The following CCSER1 variants were observed in gnomAD, a reference collection of about 807,000 sequenced individuals.
CCSER1 encodes coiled-coil serine rich protein 1.
In CCSER1, 41 loss-of-function variants were observed where a neutral mutation model predicts 82.0. The observed-to-expected ratio is 0.50, with a 90% CI of 0.39 to 0.65. CCSER1 has a LOEUF of 0.65. Ranked by LOEUF, CCSER1 falls within the 30% of genes least tolerant of loss-of-function variation. The probability of loss-of-function intolerance (pLI) is 0.00; values close to 1 mark genes in which losing one functional copy is unlikely to be tolerated. For missense variants in CCSER1, 1,119 were observed against 1,064.2 expected (o/e 1.05, Z -0.72); for synonymous variants, 414 against 383.9 (o/e 1.08, Z -0.92).
At chr4:90,228,042 G>C (rs1482194137) in intron 1 of CCSER1, among the ~76,000 whole-genome samples, 1 of 152,220 alleles carries the variant, frequency 6.6e-6, no homozygotes, top group Non-Finnish European at 1.5e-5. Context: ...AGCGAGGCTT[G>C]GGGAGGGGCG....
At chr4:91,159,929 G>A (rs1404003619) in intron 10 of CCSER1, among the ~76,000 whole-genome samples, 1 of 151,798 alleles carries the variant, frequency 6.6e-6, no homozygotes, top group African/African-American at 2.4e-5. Context: ...TTAAGTTCTA[G>A]GGTACAAGTG....
intron 5 of CCSER1, among the ~76,000 whole-genome samples, chr4:90,510,614 G>A (rs1216320313): frequency 6.6e-6 from 1 of 152,128 alleles, no homozygotes; most frequent in Non-Finnish European, 1.5e-5. Context: ...TTCATGCTTT[G>A]GAACATTCCT....
rs187098759 is a variant in CCSER1 at position 90,833,002 on chromosome 4, C to T, written c.2094+17157C>T. ...TGTTACTTTAAAGACAATGGTCTTT[C>T]GTTATTCACAGCTTTTCAAATAACC... On this transcript the variant is annotated intron_variant, in intron 8 of 10. Transcript: ENST00000509176. 1.4e-4 allele frequency among the ~76,000 whole-genome samples: 21 copies of T among 152,276 alleles called. 1 individual carries two copies. The highest frequency in any genetic ancestry group is 1.2e-3 in the Admixed American group (18 of 15,300).
At chr4:90,632,461 G>A (rs1466572745) in intron 6 of CCSER1, among the ~76,000 whole-genome samples, 1 of 151,652 alleles carries the variant, frequency 6.6e-6, no homozygotes, top group Non-Finnish European at 1.5e-5. Flanking sequence ...TATATGTTAT[G>A]CTATTTTATA....
At position 90,186,435 on chromosome 4, in the gene CCSER1, A is replaced by G. The variant is rs541224242; in HGVS notation, c.-42+58604A>G. ...GTATCAAAAGCAAATACTGTGATTCATTTTCATCTACATCAGTGTCTGTCT... is the reference window on the plus strand; with the variant it reads ...GTATCAAAAGCAAATACTGTGATTCGTTTTCATCTACATCAGTGTCTGTCT... On this transcript the variant is annotated intron_variant, in intron 1 of 10. Coordinates refer to ENST00000509176, the MANE Select transcript of CCSER1 (RefSeq NM_001145065.2). 1.6e-4 allele frequency among the ~76,000 whole-genome samples: 25 copies of G among 152,050 alleles called. 1 individual carries two copies. The South Asian group carries it at 5.2e-3, about 32-fold the overall frequency.
chr4:91,252,238 A>G (rs1370542151), intron 10 of CCSER1, among the ~76,000 whole-genome samples: 1 of 152,188 alleles, frequency 6.6e-6, no homozygotes, highest in Non-Finnish European at 1.5e-5. Context: ...TGGCAAAACT[A>G]TCCTTCAAAA....
intron 1 of CCSER1, among the ~76,000 whole-genome samples, chr4:90,157,163 G>T (rs1014230336): frequency 4.5e-4 from 69 of 152,110 alleles, no homozygotes; most frequent in Admixed American, 2.0e-4. Flanking sequence ...GAAATTCTGG[G>T]TTGAAAATTC....
At chr4:90,721,534 C>G (rs539128919) in intron 6 of CCSER1, among the ~76,000 whole-genome samples, 2 of 151,840 alleles carry the variant, frequency 1.3e-5, no homozygotes, top group East Asian at 3.9e-4. Flanking sequence ...ATAATTCTGA[C>G]AGAACATTTT....
At chr4:90,744,118 A>G (rs1292573412) in intron 7 of CCSER1, among the ~76,000 whole-genome samples, 1 of 152,216 alleles carries the variant, frequency 6.6e-6, no homozygotes, top group Non-Finnish European at 1.5e-5. Flanking sequence ...CTATGGGAAT[A>G]GTGACACTGG....
intron 10 of CCSER1, among the ~76,000 whole-genome samples, chr4:91,217,234 C>T (rs1000090617): frequency 1.1e-4 from 16 of 152,240 alleles, no homozygotes; most frequent in African/African-American, 3.4e-4. Flanking sequence ...GGGACCCGAG[C>T]GGGTTGCCAA....
intron 1 of CCSER1, among the ~76,000 whole-genome samples, chr4:90,182,949 A>G (rs1733975000): frequency 6.6e-6 from 1 of 151,984 alleles, no homozygotes. Flanking sequence ...ATTGTTTTTG[A>G]AATGAAGGAC....
intron 10 of CCSER1, among the ~76,000 whole-genome samples, chr4:91,118,833 C>T (rs1485542456): frequency 6.6e-6 from 1 of 152,132 alleles, no homozygotes; most frequent in Admixed American, 6.6e-5. Context: ...ATGATCAACT[C>T]TTACCAGTAG....
intron 1 of CCSER1, among the ~76,000 whole-genome samples, chr4:90,223,400 A>G (rs1742536070): frequency 6.6e-6 from 1 of 152,166 alleles, no homozygotes; most frequent in Non-Finnish European, 1.5e-5. Flanking sequence ...TTCATTATTT[A>G]TATTGATGGA....
intron 8 of CCSER1, among the ~76,000 whole-genome samples, chr4:90,877,295 T>G (rs1196132172): frequency 1.3e-5 from 2 of 152,172 alleles, no homozygotes; most frequent in African/African-American, 4.8e-5. Flanking sequence ...TTGTTTTTTC[T>G]TAACTCTCTT....
At chr4:90,922,735 A>G (rs184595119) in intron 8 of CCSER1, among the ~76,000 whole-genome samples, 1 of 152,236 alleles carries the variant, frequency 6.6e-6, no homozygotes. Context: ...ATTTTAAGTG[A>G]CACATTTAGG....
intron 8 of CCSER1, among the ~76,000 whole-genome samples, chr4:90,860,172 T>C (rs1268603690): frequency 6.6e-6 from 1 of 151,628 alleles, no homozygotes; most frequent in Non-Finnish European, 1.5e-5. Flanking sequence ...AAAAATAACC[T>C]AGTTTTAAAA....
intron 5 of CCSER1, among the ~76,000 whole-genome samples, chr4:90,592,219 A>T (rs1056058345): frequency 2.0e-5 from 3 of 152,130 alleles, no homozygotes; most frequent in Admixed American, 1.3e-4. Flanking sequence ...ATATAAAAAT[A>T]AAAAAAGAAA....
chr4:91,326,065 AT>A (rs1343443762), intron 10 of CCSER1, among the ~76,000 whole-genome samples: 1 of 152,054 alleles, frequency 6.6e-6, no homozygotes. Flanking sequence ...TGTCATAAAT[AT>A]GTACATTTGT....
intron 4 of CCSER1, among the ~76,000 whole-genome samples, chr4:90,425,252 G>T (rs892284246): frequency 6.6e-6 from 1 of 152,154 alleles, no homozygotes; most frequent in East Asian, 1.9e-4. Flanking sequence ...ATTTTGGAGT[G>T]ATAGGGAGGA....
Sources: allele counts gnomAD v4.1 joint callset (sites outside exome capture counted in the v4.1 genomes callset), GRCh38; gene constraint gnomAD v4.1.1; transcripts MANE v1.5; gene names NCBI Gene and HGNC (gene_info 2026-07-23, HGNC 2026-07-21).